The following ARHGAP42 variants were observed in gnomAD, a reference collection of about 807,000 sequenced individuals.
ARHGAP42 encodes the protein rho GTPase-activating protein 42.
Under a neutral mutation model 125.0 loss-of-function variants are expected in ARHGAP42, and 63 were observed. That is an observed-to-expected ratio of 0.50 (90% CI 0.41 to 0.62). The LOEUF is 0.62. ARHGAP42 is among the 20% of genes least tolerant of loss of function. The pLI is 0.00. For missense variants in ARHGAP42, 766 were observed against 1,024.2 expected (o/e 0.75, Z 3.44); for synonymous variants, 339 against 351.0 (o/e 0.97, Z 0.38).
intron 4 of ARHGAP42, among the ~76,000 whole-genome samples, chr11:100,890,488 A>T (rs10791431): frequency 0.28 from 41,957 of 152,020 alleles, 7,168 homozygotes; most frequent in East Asian, 0.75. Flanking sequence ...TCATATTCGT[A>T]TTGTACATAT....
At chr11:100,957,125 A>G (rs1857825201) in intron 12 of ARHGAP42, among the ~76,000 whole-genome samples, 2 of 152,104 alleles carry the variant, frequency 1.3e-5, no homozygotes, top group Non-Finnish European at 2.9e-5. Context: ...AGATACTATT[A>G]TCTTTATTTT....
chr11:100,786,299 C>T (rs923867869), intron 2 of ARHGAP42, among the ~76,000 whole-genome samples: 2 of 152,200 alleles, frequency 1.3e-5, no homozygotes, highest in Non-Finnish European at 2.9e-5. Context: ...TTGATGACTT[C>T]ATTAGGCACA....
At chr11:100,797,392 G>A (rs1863742616) in intron 3 of ARHGAP42, among the ~76,000 whole-genome samples, 1 of 152,134 alleles carries the variant, frequency 6.6e-6, no homozygotes, top group Non-Finnish European at 1.5e-5. Flanking sequence ...AGGATGGGCT[G>A]ACTCTCATGT....
At chr11:100,875,142 TGTGTGTGTGTGG>T (rs1241628938) in intron 4 of ARHGAP42, among the ~76,000 whole-genome samples, 52 of 144,752 alleles carry the variant, frequency 3.6e-4, no homozygotes, top group African/African-American at 1.3e-3. Flanking sequence ...TGTGTGTGTG[TGTGTGTGTGTGG>T]CTCATGAACT....
chr11:100,974,375 T>C (rs1858332121), intron 18 of ARHGAP42, 84 bp from the exon 19 acceptor site: 1 of 1,279,522 alleles, frequency 7.8e-7, no homozygotes, highest in East Asian at 2.6e-5. Context: ...GCTGATTAAG[T>C]AGCATATGGT....
Position 100,959,896 on chromosome 11 carries a change from A to AGC in ARHGAP42, c.1177_1178dup (p.Gly394GlnfsTer6), listed in dbSNP as rs758335485. Reference sequence around the variant, plus strand: ...TCTTATTTTCAGTGTATTTGAATGAAGCAGGGTTCAACTTTGTGAGAAAAT... The same window carrying AGC: ...TCTTATTTTCAGTGTATTTGAATGAAGCGCAGGGTTCAACTTTGTGAGAAAAT... On this transcript the variant is annotated frameshift_variant, in exon 13 of 24. Transcript: ENST00000298815. LOFTEE classifies it high-confidence loss of function. 6.4e-7 allele frequency: 1 copy of AGC among 1,551,340 alleles called. No individual in the cohort carries two copies. Among genetic ancestry groups the AGC allele is most frequent in the Non-Finnish European group, 8.7e-7 (1 of 1,146,570 alleles).
chr11:100,959,059 A>G (rs12364126), intron 12 of ARHGAP42, among the ~76,000 whole-genome samples: 81,927 of 147,970 alleles, frequency 0.55, 23,526 homozygotes, highest in African/African-American at 0.67. Context: ...TTATTATTTG[A>G]GAATATTTTA....
At chr11:100,707,312 AT>A (rs1471236429) in intron 1 of ARHGAP42, among the ~76,000 whole-genome samples, 1 of 152,196 alleles carries the variant, frequency 6.6e-6, no homozygotes, top group African/African-American at 2.4e-5. Flanking sequence ...ATTACAACTC[AT>A]TTTTACAAAG....
intron 1 of ARHGAP42, among the ~76,000 whole-genome samples, chr11:100,717,581 G>A (rs1420331171): frequency 6.8e-6 from 1 of 147,098 alleles, no homozygotes; most frequent in Non-Finnish European, 1.5e-5. Context: ...AGCTGGTAGT[G>A]AGCCGAGATT....
At chr11:100,839,975 G>A (rs928723033) in intron 3 of ARHGAP42, 2 of 152,170 alleles carry the variant, frequency 1.3e-5, no homozygotes, top group Non-Finnish European at 2.9e-5. Context: ...TTTTAGATGT[G>A]TGGTGTGACC....
intron 1 of ARHGAP42, among the ~76,000 whole-genome samples, chr11:100,756,798 A>G (rs1862588692): frequency 6.6e-6 from 1 of 152,248 alleles, no homozygotes; most frequent in Non-Finnish European, 1.5e-5. Context: ...ACTATTCAGA[A>G]TCACAGCAGG....
chr11:100,911,202 A>G (rs1477426173), intron 4 of ARHGAP42, among the ~76,000 whole-genome samples: 1 of 152,198 alleles, frequency 6.6e-6, no homozygotes, highest in East Asian at 1.9e-4. Context: ...CCCTTGTACC[A>G]TGGATAACAG....
intron 4 of ARHGAP42, among the ~76,000 whole-genome samples, chr11:100,905,494 A>G (rs1313816568): frequency 6.6e-6 from 1 of 152,156 alleles, no homozygotes; most frequent in Non-Finnish European, 1.5e-5. Flanking sequence ...AATATATATC[A>G]TTTGATTACA....
intron 4 of ARHGAP42, among the ~76,000 whole-genome samples, chr11:100,905,414 A>G (rs1046541043): frequency 2.0e-5 from 3 of 152,192 alleles, no homozygotes; most frequent in South Asian, 2.1e-4. Flanking sequence ...ATGGAAAATG[A>G]ATATTTAGCA....
In ARHGAP42 at chr11:100,935,883, A is replaced by G. The variant is rs560238262; in HGVS notation, c.703-320A>G. ...GCCGGTCAGGTGGCTCACACCTGTA[A>G]TCCCAGCACTTTGGGAGGTGAACAA... On this transcript the variant is annotated intron_variant, in intron 7 of 23. Coordinates refer to ENST00000298815, the MANE Select transcript of ARHGAP42 (RefSeq NM_152432.4). Among the ~76,000 whole-genome samples the G allele has an allele frequency of 2.0e-5, 3 of 152,286 alleles. No individual in the cohort carries two copies. The South Asian group carries it at 6.2e-4, about 32-fold the overall frequency.
intron 12 of ARHGAP42, among the ~76,000 whole-genome samples, chr11:100,952,025 A>T (rs546259478): frequency 6.6e-6 from 1 of 152,322 alleles, no homozygotes; most frequent in South Asian, 2.1e-4. Flanking sequence ...TTGGTTACAG[A>T]AGAAATATTA....
At chr11:100,899,722 G>GTTTTTTTT (rs767815247) in intron 4 of ARHGAP42, among the ~76,000 whole-genome samples, 11 of 67,178 alleles carry the variant, frequency 1.6e-4, no homozygotes, top group Non-Finnish European at 2.3e-4. Flanking sequence ...TTTGTGTTTT[G>GTTTTTTTT]TTTTTTTTTT....
intron 4 of ARHGAP42, among the ~76,000 whole-genome samples, chr11:100,884,402 T>A (rs957526022): frequency 7.2e-5 from 11 of 152,208 alleles, no homozygotes; most frequent in African/African-American, 2.7e-4. Context: ...TGGTGTAGCA[T>A]TCTTTCTTTT....
chr11:100,914,751 A>G (rs1867020581), intron 5 of ARHGAP42, among the ~76,000 whole-genome samples: 1 of 147,354 alleles, frequency 6.8e-6, no homozygotes, highest in Admixed American at 6.8e-5. Context: ...TGCTAGGAAA[A>G]CCTCCTCCCT....
Sources: allele counts gnomAD v4.1 joint callset (sites outside exome capture counted in the v4.1 genomes callset), GRCh38; gene constraint gnomAD v4.1.1; transcripts MANE v1.5; gene names NCBI Gene and HGNC (gene_info 2026-07-23, HGNC 2026-07-21).